The following CRYL1 variants were observed in gnomAD, a reference collection of about 807,000 sequenced individuals.
CRYL1 encodes the protein crystallin lambda 1.
CRYL1 carries 29 observed loss-of-function variants against 36.6 expected under a neutral mutation model. The ratio of observed to expected loss-of-function variants is 0.79; its 90% CI spans 0.59 to 1.08. CRYL1 has a LOEUF of 1.08. Among genes scored for constraint, CRYL1 ranks in the 50% least tolerant of loss-of-function variants. The probability of loss-of-function intolerance (pLI) is 0.00; values close to 1 mark genes in which losing one functional copy is unlikely to be tolerated. For missense variants in CRYL1, 411 were observed against 407.9 expected (o/e 1.01, Z -0.06); for synonymous variants, 152 against 151.5 (o/e 1.00, Z -0.02).
chr13:20,467,582 G>C (rs1000885709), intron 3 of CRYL1, among the ~76,000 whole-genome samples: 4 of 152,180 alleles, frequency 2.6e-5, no homozygotes, highest in Non-Finnish European at 4.4e-5. Context: ...AGCACTTTGG[G>C]AGGCCGAGGC....
intron 2 of CRYL1, among the ~76,000 whole-genome samples, chr13:20,502,820 C>CT (rs2033726281): frequency 6.6e-6 from 1 of 152,164 alleles, no homozygotes. Flanking sequence ...AAATGGGGTA[C>CT]TTTGGTTTCC....
chr13:20,404,970 C>T (rs192491142), intron 6 of CRYL1, among the ~76,000 whole-genome samples: 7 of 152,218 alleles, frequency 4.6e-5, no homozygotes, highest in Admixed American at 1.3e-4. Flanking sequence ...GGTTCGAATG[C>T]CAAAAAGTGC....
intron 7 of CRYL1, 42 bp downstream of exon 7, chr13:20,404,593 C>G: frequency 7.5e-7 from 1 of 1,340,560 alleles, no homozygotes; most frequent in South Asian, 1.2e-5. Context: ...CTCCAGGTAG[C>G]CAACATGCTT....
intron 2 of CRYL1, among the ~76,000 whole-genome samples, chr13:20,511,909 T>C (rs2033923556): frequency 6.6e-6 from 1 of 152,240 alleles, no homozygotes; most frequent in Non-Finnish European, 1.5e-5. Context: ...TCTCACACCT[T>C]TAACTAGTAC....
intron 1 of CRYL1, among the ~76,000 whole-genome samples, chr13:20,517,624 A>G (rs1055397734): frequency 6.6e-6 from 1 of 150,974 alleles, no homozygotes; most frequent in African/African-American, 2.4e-5. Context: ...AATTTTGCAT[A>G]GTGAAGTTTA....
intron 3 of CRYL1, among the ~76,000 whole-genome samples, chr13:20,440,965 A>C (rs2032338287): frequency 6.6e-6 from 1 of 152,170 alleles, no homozygotes. Context: ...CATGAGGATG[A>C]AGAGGACACC....
At chr13:20,454,215 A>T (rs2032630094) in intron 3 of CRYL1, among the ~76,000 whole-genome samples, 1 of 152,160 alleles carries the variant, frequency 6.6e-6, no homozygotes, top group Non-Finnish European at 1.5e-5. Flanking sequence ...TTCCAAACAC[A>T]TATGCAAAAA....
chr13:20,451,742 T>G (rs1043429491), intron 3 of CRYL1, among the ~76,000 whole-genome samples: 1 of 152,090 alleles, frequency 6.6e-6, no homozygotes, highest in Non-Finnish European at 1.5e-5. Flanking sequence ...TCAAAGAACT[T>G]AAAACAGATC....
In CRYL1 at chr13:20,439,879, T is replaced by TC. The variant is rs1405039047; in HGVS notation, c.277-126dup. 3.3e-6 allele frequency: 3 copies of TC among 909,564 alleles called. No individual in the cohort carries two copies. In the Admixed American group the frequency reaches 7.1e-5, roughly 22 times the overall value. 56.3% of individuals were successfully genotyped at this position (909,564 alleles called of 1,614,324 possible). A position where few individuals can be genotyped will look rare whatever the true frequency, so the allele number is the denominator to read the frequency against. Reference sequence around the variant, plus strand: ...AAATGATGAGGTTCAAGACGTGTTATCCCAAAATATGGCAACTTGGCATCT... The same window carrying TC: ...AAATGATGAGGTTCAAGACGTGTTATCCCCAAAATATGGCAACTTGGCATCT... On this transcript the variant is annotated intron_variant, in intron 3 of 7. Coordinates refer to ENST00000298248, the MANE Select transcript of CRYL1 (RefSeq NM_015974.3).
In CRYL1 at chr13:20,432,090, G is replaced by A. The variant is rs201449166; in HGVS notation, c.633+12C>T. ...AGGAAGGGAGGGAGGGAGAGAGGAC[G>A]GGCACACACACCTCCACTAGCCGCC... is the stretch of plus-strand genomic sequence containing the variant. On this transcript the variant is annotated intron_variant, in intron 5 of 7. Transcript: ENST00000298248. 6.8e-6 allele frequency: 11 copies of A among 1,613,872 alleles called. No homozygotes were observed. The highest frequency in any genetic ancestry group is 2.2e-5 in the East Asian group (1 of 44,894).
intron 5 of CRYL1, among the ~76,000 whole-genome samples, chr13:20,413,622 A>C (rs2031579925): frequency 6.6e-6 from 1 of 152,214 alleles, no homozygotes. Flanking sequence ...ATGGGAGCTG[A>C]GACTAAACAC....
At chr13:20,407,626 C>G (rs541232118) in intron 6 of CRYL1, among the ~76,000 whole-genome samples, 7 of 152,128 alleles carry the variant, frequency 4.6e-5, no homozygotes, top group African/African-American at 1.7e-4. Flanking sequence ...TGTATTTTTT[C>G]TTCTGTGCTT....
chr13:20,426,953 G>T (rs774590394), intron 5 of CRYL1: 70 of 985,464 alleles, frequency 7.1e-5, no homozygotes, highest in Non-Finnish European at 2.7e-5. Context: ...AGAACCCAAG[G>T]TCAGCAATTT....
At chr13:20,475,062 C>T (rs897005794) in intron 3 of CRYL1, among the ~76,000 whole-genome samples, 1 of 152,166 alleles carries the variant, frequency 6.6e-6, no homozygotes, top group South Asian at 2.1e-4. Context: ...AGTCCTCTCG[C>T]GATGTCCATT....
chr13:20,497,943 G>A (rs1373152670), intron 2 of CRYL1, among the ~76,000 whole-genome samples: 1 of 151,848 alleles, frequency 6.6e-6, no homozygotes, highest in Non-Finnish European at 1.5e-5. Flanking sequence ...ATTTTTTAAT[G>A]ATGGATTGAA....
chr13:20,436,044 T>A (rs2032208682), intron 4 of CRYL1, among the ~76,000 whole-genome samples: 1 of 152,184 alleles, frequency 6.6e-6, no homozygotes, highest in African/African-American at 2.4e-5. Context: ...AGCAAGCCCA[T>A]ACATCCAATA....
chr13:20,515,100 G>A (rs992732966), intron 1 of CRYL1, among the ~76,000 whole-genome samples: 2 of 152,042 alleles, frequency 1.3e-5, no homozygotes, highest in Admixed American at 6.5e-5. Context: ...AAAGGTTCAC[G>A]TATTGTATGA....
At chr13:20,506,358 C>T (rs746369998) in intron 2 of CRYL1, among the ~76,000 whole-genome samples, 52 of 152,136 alleles carry the variant, frequency 3.4e-4, no homozygotes, top group Non-Finnish European at 6.8e-4. Flanking sequence ...GAATTCAGTA[C>T]ATTTGCTTCT....
intron 3 of CRYL1, among the ~76,000 whole-genome samples, chr13:20,443,174 T>A (rs1014873856): frequency 1.3e-5 from 2 of 152,176 alleles, no homozygotes; most frequent in African/African-American, 2.4e-5. Context: ...ATTCAACTCA[T>A]TAGGGCCCTG....
Sources: allele counts gnomAD v4.1 joint callset (sites outside exome capture counted in the v4.1 genomes callset), GRCh38; gene constraint gnomAD v4.1.1; transcripts MANE v1.5; gene names NCBI Gene and HGNC (gene_info 2026-07-23, HGNC 2026-07-21).